Variants in HJURP observed in about 807,000 individuals in gnomAD.
The protein encoded by HJURP is 14-3-3-associated AKT substrate.
HJURP carries 49 observed loss-of-function variants against 72.0 expected under a neutral mutation model. The observed-to-expected ratio is 0.68, with a 90% CI of 0.54 to 0.86. The LOEUF is 0.86. Among genes scored for constraint, HJURP ranks in the 40% least tolerant of loss-of-function variants. HJURP has a pLI of 0.00. For synonymous variants in HJURP, 357 were observed against 347.1 expected, an observed-to-expected ratio of 1.03 and a Z score of -0.32; for missense variants, 908 against 936.3, an observed-to-expected ratio of 0.97 and a Z score of 0.39.
chr2:233,850,310 A>G (rs1170421259), intron 3 of HJURP, among the ~76,000 whole-genome samples: 1 of 152,164 alleles, frequency 6.6e-6, no homozygotes, highest in African/African-American at 2.4e-5. Context: ...GGCGGGGAGG[A>G]GCCAGTTTAA....
At chr2:233,843,271 C>T (rs1305574919) in intron 7 of HJURP, among the ~76,000 whole-genome samples, 2 of 152,110 alleles carry the variant, frequency 1.3e-5, no homozygotes, top group Non-Finnish European at 2.9e-5. Flanking sequence ...TTCTAAGTCA[C>T]TGGGTGAGAA....
intron 6 of HJURP, among the ~76,000 whole-genome samples, chr2:233,844,653 C>T (rs997584979): frequency 6.6e-6 from 1 of 152,126 alleles, no homozygotes; most frequent in Non-Finnish European, 1.5e-5. Context: ...CGTTCCTAAC[C>T]CTAATCTGTT....
chr2:233,839,240 G>T (rs142035421), intron 8 of HJURP, among the ~76,000 whole-genome samples: 4 of 152,254 alleles, frequency 2.6e-5, no homozygotes, highest in African/African-American at 9.6e-5. Flanking sequence ...CCATGAGACT[G>T]GTCTGTGTCC....
At chr2:233,845,084 T>TGG (rs1422185572) in intron 6 of HJURP, among the ~76,000 whole-genome samples, 1 of 152,018 alleles carries the variant, frequency 6.6e-6, no homozygotes, top group Admixed American at 6.6e-5. Flanking sequence ...ATTGCTTCCC[T>TGG]AACTATGCAG....
In HJURP at chr2:233,845,993, TTAA is replaced by T. The variant is rs1298631616; in HGVS notation, c.403-176_403-174del. On this transcript the variant is annotated intron_variant, in intron 5 of 8. Coordinates refer to ENST00000411486, the MANE Select transcript of HJURP (RefSeq NM_018410.5). ...AGTCACTTTTTCACTTCCTGCTATGTTAATAATCCAAAAGAATGTAAAAAGACA... is the reference window on the plus strand; with the variant it reads ...AGTCACTTTTTCACTTCCTGCTATGTTAATCCAAAAGAATGTAAAAAGACA... The T allele has an allele frequency of 2.7e-5, 15 of 552,324 alleles. No homozygotes were observed. The East Asian group carries it at 4.3e-4, about 16-fold the overall frequency. The allele number at this position is 552,324 out of a possible 1,614,324, so 34.2% of individuals were successfully genotyped here.
chr2:233,844,382 G>T, intron 6 of HJURP, 99 bp from the exon 7 acceptor site: 1 of 852,700 alleles, frequency 1.2e-6, no homozygotes, highest in Non-Finnish European at 2.0e-6. Context: ...GTGCATCTTA[G>T]CACAGCCATG....
rs575095551 is a variant in HJURP at position 233,854,372 on chromosome 2, C to G, written c.117+12G>C. ...CAGGCCTCCCCTCCCGGCGGACCGG[C>G]GGGGGCCGCACCTTCTCTATCAGCC... is the stretch of plus-strand genomic sequence containing the variant. On this transcript the variant is annotated intron_variant, in intron 1 of 8. Transcript: ENST00000411486. 1.3e-6 allele frequency: 2 copies of G among 1,563,834 alleles called. No individual in the cohort carries two copies. The highest frequency in any genetic ancestry group is 4.6e-5 in the East Asian group (2 of 43,832).
rs756454313 is a variant in HJURP, at chr2:233,842,163, G to A, written c.617C>T (p.Ala206Val). The part of the protein sequence containing the change: ...RISRKSPGDP[A>V]KPASSPREWD... ...TTCTCTGGGAGATGAAGCTGGTTTCGCTGGGTCACCAGGACTCTTTCTGGA... is the reference window on the plus strand; with the variant it reads ...TTCTCTGGGAGATGAAGCTGGTTTCACTGGGTCACCAGGACTCTTTCTGGA... Residue 206 changes from alanine to valine, a missense_variant, in exon 8 of 9, where the codon GCG (alanine) becomes GTG (valine). Around this residue, in one of 3 missense-constraint regions of HJURP, gnomAD observed 299 missense variants for 286.7 expected, o/e 1.04. Transcript: ENST00000411486. 8.7e-6 allele frequency: 14 copies of A among 1,613,642 alleles called. No individual in the cohort carries two copies. Among genetic ancestry groups the A allele is most frequent in the Admixed American group, 6.7e-5 (4 of 59,994 alleles).
In HJURP at chr2:233,840,762, G is replaced by A. The variant is rs1276915134; in HGVS notation, c.2018C>T (p.Thr673Met). 7 of 1,613,852 alleles carry A rather than the reference G, an allele frequency of 4.3e-6. No individual in the cohort carries two copies. The highest frequency in any genetic ancestry group is 1.3e-5 in the African/African-American group (1 of 74,874). ...CVARAITRDG[T>M]RDHQFPAKRP... The stretch of plus-strand genomic sequence containing the variant: ...TTTTGCAGGGAACTGATGGTCCCTC[G>A]TGCCATCCCTCGTGATGGCACGAGC... The change falls in exon 8 of 9, where the codon ACG becomes ATG. Residue 673 changes from threonine (T) to methionine (M), a missense_variant. Coordinates refer to ENST00000411486, the MANE Select transcript of HJURP (RefSeq NM_018410.5).
chr2:233,844,330 A>G, intron 6 of HJURP, 47 bp from the exon 7 acceptor site: 3 of 1,467,686 alleles, frequency 2.0e-6, no homozygotes, highest in Non-Finnish European at 2.9e-6. Context: ...CCAGGTGTCA[A>G]CTGGGTGCAA....
At position 233,849,814 on chromosome 2, in the gene HJURP, C is replaced by T; in HGVS notation, c.286G>A (p.Ala96Thr). The T allele has an allele frequency of 6.4e-7, 1 of 1,554,806 alleles. No individual in the cohort carries two copies. Among genetic ancestry groups the T allele is most frequent in the African/African-American group, 1.4e-5 (1 of 73,456 alleles). Residue 96 changes from alanine (A) to threonine (T), a missense_variant, in exon 4 of 9, where the codon GCT (alanine) becomes ACT (threonine). Around this residue, in one of 3 missense-constraint regions of HJURP, gnomAD observed 299 missense variants for 286.7 expected, o/e 1.04. Coordinates refer to ENST00000411486, the MANE Select transcript of HJURP (RefSeq NM_018410.5). ...PADRTDGSVQ[A>T]AAWGPELPSH... The stretch of plus-strand genomic sequence containing the variant: ...GGAAGCTCAGGACCCCAGGCTGCAG[C>T]TTGCACGGAGCCATCTGTCCTGTCC...
rs142361695 is a variant in HJURP at position 233,841,245 on chromosome 2, C to A, written c.1535G>T (p.Gly512Val). ...ENLGKRSLEAGRCLPKSDSSS... is the reference protein window; with the variant it reads ...ENLGKRSLEAVRCLPKSDSSS... ...TGAATCGCTCTTGGGCAGGCACCTA[C>A]CTGCTTCCAGAGATCTTTTGCCTAG... Residue 512 changes from glycine to valine, a missense_variant, in exon 8 of 9, where the codon GGT (glycine) becomes GTT (valine). Gly to Val is a moderately radical substitution (Grantham distance 109). Coordinates refer to ENST00000411486, the MANE Select transcript of HJURP (RefSeq NM_018410.5). 3.7e-6 allele frequency: 6 copies of A among 1,614,004 alleles called. No homozygotes were observed. The African/African-American group carries it at 6.7e-5, about 18-fold the overall frequency.
In HJURP at chr2:233,836,710, T is replaced by C. The variant is rs1485072121; in HGVS notation, c.*867A>G. 1 of 151,974 alleles carries C rather than the reference T, an allele frequency of 6.6e-6. No homozygotes were observed. The highest frequency in any genetic ancestry group is 2.4e-5 in the African/African-American group (1 of 41,382). 9.4% of individuals were successfully genotyped at this position (151,974 alleles called of 1,614,324 possible). A position where few individuals can be genotyped will look rare whatever the true frequency, so the allele number is the denominator to read the frequency against. On this transcript the variant is annotated 3_prime_UTR_variant, in exon 9 of 9. Coordinates refer to ENST00000411486, the MANE Select transcript of HJURP (RefSeq NM_018410.5). ...AAAAACCCAAACTCATATGGCCATA[T>C]ATTAACTATTTACTCCAGCATGAGT... is the stretch of plus-strand genomic sequence containing the variant.
chr2:233,852,472 G>A (rs570922651), intron 3 of HJURP, 93 bp downstream of exon 3: 49 of 888,962 alleles, frequency 5.5e-5, no homozygotes, highest in South Asian at 7.2e-5. Context: ...TGGCCTCTGC[G>A]TAAGCTCAGA....
At position 233,849,826 on chromosome 2, in the gene HJURP, C is replaced by G; in HGVS notation, c.274G>C (p.Gly92Arg). The change falls in exon 4 of 9, where the codon GGC becomes CGC. Residue 92 changes from glycine to arginine, a missense_variant. This residue lies in a region of HJURP where 299 missense variants were observed against 286.7 expected (regional missense o/e 1.04). Coordinates refer to ENST00000411486, the MANE Select transcript of HJURP (RefSeq NM_018410.5). ...CCCCAGGCTGCAGCTTGCACGGAGC[C>G]ATCTGTCCTGTCCGCGGGCTTCATG... The part of the protein sequence containing the change: ...SSMKPADRTD[G>R]SVQAAAWGPE... The G allele has an allele frequency of 6.4e-7, 1 of 1,553,992 alleles. No homozygotes were observed.
chr2:233,843,890 G>A (rs1459743865), intron 7 of HJURP, among the ~76,000 whole-genome samples: 1 of 152,254 alleles, frequency 6.6e-6, no homozygotes, highest in Non-Finnish European at 1.5e-5. Flanking sequence ...GGCAGGGGGT[G>A]ATAACGCAGA....
rs1268868222 is a variant in HJURP at position 233,852,563 on chromosome 2, A to G, written c.240+2T>C. 1.3e-6 allele frequency: 2 copies of G among 1,592,958 alleles called. No individual in the cohort carries two copies. The highest frequency in any genetic ancestry group is 1.7e-6 in the Non-Finnish European group (2 of 1,160,398). ...TTGGCAATAAAATTTGACACTAAAT[A>G]CCTGGATCTCTCCTTCGTTTCTTTC... On this transcript the variant is annotated splice_donor_variant, in intron 3 of 8. Coordinates refer to ENST00000411486, the MANE Select transcript of HJURP (RefSeq NM_018410.5). LOFTEE classifies it high-confidence loss of function.
chr2:233,844,966 T>TC (rs199633238), intron 6 of HJURP, among the ~76,000 whole-genome samples: 3 of 141,404 alleles, frequency 2.1e-5, no homozygotes, highest in Non-Finnish European at 4.7e-5. Context: ...TGCCATCACA[T>TC]CCCCCCCCTC....
At chr2:233,843,258 G>C (rs886661881) in intron 7 of HJURP, among the ~76,000 whole-genome samples, 2 of 152,096 alleles carry the variant, frequency 1.3e-5, no homozygotes, top group Non-Finnish European at 2.9e-5. Context: ...CCGCATTGCT[G>C]GCTTCTAAGT....
Sources: gnomAD v4.1 joint callset for allele counts (sites outside exome capture counted in the v4.1 genomes callset) on GRCh38, gnomAD v4.1.1 for gene constraint, gnomAD v4.1.1 regional missense constraint, MANE v1.5 for transcripts, NCBI Gene and HGNC (gene_info 2026-07-23, HGNC 2026-07-21) for gene names.